CCDC7: variants seen among roughly 807,000 people sequenced by gnomAD.
CCDC7 encodes coiled-coil domain containing 7, also known as coiled-coil domain-containing protein 7.
In CCDC7, 183 loss-of-function variants were observed where a neutral mutation model predicts 196.9. That is an observed-to-expected ratio of 0.93 (90% CI 0.82 to 1.05). CCDC7 has a LOEUF of 1.05. Among genes scored for constraint, CCDC7 ranks in the 50% least tolerant of loss-of-function variants. CCDC7 has a pLI of 0.00. For missense variants in CCDC7, 1,540 were observed against 1,482.2 expected, an observed-to-expected ratio of 1.04 and a Z score of -0.64; for synonymous variants, 525 against 484.6, an observed-to-expected ratio of 1.08 and a Z score of -1.10.
chr10:32,797,202 T>C (rs2083746016), intron 29 of CCDC7, among the ~76,000 whole-genome samples: 3 of 145,976 alleles, frequency 2.1e-5, no homozygotes, highest in Non-Finnish European at 3.0e-5. Flanking sequence ...CGTATATATA[T>C]ACACACATAT....
chr10:32,559,766 T>C (rs1564646990), intron 13 of CCDC7, among the ~76,000 whole-genome samples: 1 of 152,068 alleles, frequency 6.6e-6, no homozygotes. Context: ...GCAGAGCACC[T>C]CTCCTCCTCC....
chr10:32,746,160 T>C (rs2074689636), intron 28 of CCDC7, among the ~76,000 whole-genome samples: 1 of 151,654 alleles, frequency 6.6e-6, no homozygotes, highest in African/African-American at 2.4e-5. Flanking sequence ...AAGGACGGCA[T>C]TGAGAGTGGA....
chr10:32,512,978 T>C (rs1020506804), intron 9 of CCDC7: 1 of 152,172 alleles, frequency 6.6e-6, no homozygotes, highest in Non-Finnish European at 1.5e-5. Context: ...GCTAATATAA[T>C]AGAAATTTCC....
chr10:32,832,678 T>A (rs534902737), intron 32 of CCDC7, among the ~76,000 whole-genome samples: 1 of 152,232 alleles, frequency 6.6e-6, no homozygotes, highest in South Asian at 2.1e-4. Context: ...AAAAAAAACT[T>A]AAGAAAGTTC....
chr10:32,568,003 TGG>T, intron 15 of CCDC7, 112 bp downstream of exon 16: 1 of 980,266 alleles, frequency 1.0e-6, no homozygotes, highest in Admixed American at 5.0e-5. Flanking sequence ...CCTCTGTTTT[TGG>T]GTTTTTTTTT....
intron 29 of CCDC7, among the ~76,000 whole-genome samples, chr10:32,795,642 T>C (rs1055034577): frequency 6.6e-6 from 1 of 152,228 alleles, no homozygotes; most frequent in African/African-American, 2.4e-5. Context: ...CCTGTATCTT[T>C]GCATTTAAGG....
chr10:32,673,325 G>A (rs1020957799), intron 21 of CCDC7, among the ~76,000 whole-genome samples: 1 of 152,014 alleles, frequency 6.6e-6, no homozygotes, highest in African/African-American at 2.4e-5. Flanking sequence ...TTCTGTAAAA[G>A]TGTGCCATTG....
chr10:32,485,404 G>A (rs1398967668), intron 8 of CCDC7, among the ~76,000 whole-genome samples: 1 of 151,958 alleles, frequency 6.6e-6, no homozygotes, highest in African/African-American at 2.4e-5. Context: ...TATTAGTCTT[G>A]CTAGTGGTCT....
chr10:32,864,187 A>G (rs976609153), intron 41 of CCDC7, among the ~76,000 whole-genome samples: 8 of 151,770 alleles, frequency 5.3e-5, no homozygotes, highest in African/African-American at 9.7e-5. Context: ...CAAAACTACA[A>G]TGAGATACCA....
At chr10:32,879,496 G>T (rs970507149), downstream of CCDC7, among the ~76,000 whole-genome samples, 1 of 152,050 alleles carries the variant, frequency 6.6e-6, no homozygotes, top group Non-Finnish European at 1.5e-5. Flanking sequence ...CATGGCCCCA[G>T]TGCAGACACT....
chr10:32,854,090 TC>T (rs2093662714), intron 40 of CCDC7, among the ~76,000 whole-genome samples: 1 of 152,168 alleles, frequency 6.6e-6, no homozygotes, highest in African/African-American at 2.4e-5. Flanking sequence ...GTCCATGCTT[TC>T]CCAAGGTTTA....
intron 24 of CCDC7, among the ~76,000 whole-genome samples, chr10:32,702,746 G>A (rs575420897): frequency 1.3e-5 from 2 of 149,702 alleles, no homozygotes; most frequent in African/African-American, 4.9e-5. Context: ...AGCTCTTCTT[G>A]TTGATCCCTT....
intron 41 of CCDC7, among the ~76,000 whole-genome samples, chr10:32,874,134 T>C (rs2094522468): frequency 6.7e-6 from 1 of 149,614 alleles, no homozygotes; most frequent in African/African-American, 2.4e-5. Flanking sequence ...GAAAGTCATA[T>C]ATATATATTT....
chr10:32,852,175 T>G (rs2136286795), intron 40 of CCDC7, among the ~76,000 whole-genome samples: 1 of 152,326 alleles, frequency 6.6e-6, no homozygotes, highest in Admixed American at 6.5e-5. Context: ...CTCCACCTTC[T>G]TGTCTTGTTG....
At chr10:32,463,042 T>C (rs560656168) in exon 5 of CCDC7, 1 of 1,613,570 alleles carries the variant, frequency 6.2e-7, no homozygotes, top group East Asian at 2.2e-5. Flanking sequence ...GTCAATCAGA[T>C]GGAAGAAGTA....
intron 25 of CCDC7, among the ~76,000 whole-genome samples, chr10:32,715,196 G>A (rs1031021051): frequency 6.6e-6 from 1 of 152,214 alleles, no homozygotes; most frequent in Non-Finnish European, 1.5e-5. Flanking sequence ...GCTTCCAGAG[G>A]AAAGAGCAGG....
intron 18 of CCDC7, among the ~76,000 whole-genome samples, chr10:32,604,989 A>G (rs2061422325): frequency 6.6e-6 from 1 of 152,178 alleles, no homozygotes; most frequent in Non-Finnish European, 1.5e-5. Context: ...GTTAAACTGT[A>G]ATCCCCAGTT....
chr10:32,462,755 C>T lies in CCDC7; in HGVS notation c.477+52C>T, dbSNP rs1464779492. 3 of 1,417,346 alleles carry T rather than the reference C, an allele frequency of 2.1e-6. No individual in the cohort carries two copies. In the African/African-American group the frequency reaches 4.4e-5, roughly 21 times the overall value. The allele number at this position is 1,417,346 out of a possible 1,614,324, so 87.8% of individuals were successfully genotyped here. On this transcript the variant is annotated intron_variant, in intron 4 of 41. Transcript: ENST00000639629. ...CCTACTAAAACTTAACACAGAAATA[C>T]ATGCCAATGAAGAAGAGGTTTCTAA...
At chr10:32,701,118 A>G (rs2078642013) in intron 24 of CCDC7, among the ~76,000 whole-genome samples, 1 of 152,212 alleles carries the variant, frequency 6.6e-6, no homozygotes, top group South Asian at 2.1e-4. Context: ...AAGAGAGGGC[A>G]TCCCTGTCTT....
Sources: allele counts gnomAD v4.1 joint callset (sites outside exome capture counted in the v4.1 genomes callset), GRCh38; gene constraint gnomAD v4.1.1; transcripts MANE v1.5; gene names NCBI Gene and HGNC (gene_info 2026-07-23, HGNC 2026-07-21).